RPS6KC1: variants seen among roughly 807,000 people sequenced by gnomAD.
RPS6KC1 encodes the protein inactive ribosomal protein S6 kinase delta-1.
Under a neutral mutation model 103.8 loss-of-function variants are expected in RPS6KC1, and 54 were observed. The ratio of observed to expected loss-of-function variants is 0.52; its 90% CI spans 0.42 to 0.65. The LOEUF (loss-of-function observed/expected upper bound fraction) is 0.65. Ranked by LOEUF, RPS6KC1 falls within the 30% of genes least tolerant of loss-of-function variation. The pLI, the probability that RPS6KC1 is intolerant of heterozygous loss-of-function variation, is 0.00. For synonymous variants in RPS6KC1, 439 were observed against 438.7 expected (o/e 1.00, Z -0.01); for missense variants, 1,151 against 1,253.8 (o/e 0.92, Z 1.24).
intron 8 of RPS6KC1, among the ~76,000 whole-genome samples, chr1:213,204,084 A>G (rs1051187883): frequency 3.3e-5 from 5 of 152,190 alleles, no homozygotes; most frequent in Non-Finnish European, 5.9e-5. Flanking sequence ...ATTCTTCAGC[A>G]TAGTACTTCT....
intron 1 of RPS6KC1, among the ~76,000 whole-genome samples, chr1:213,055,768 G>T (rs1171389679): frequency 6.6e-6 from 1 of 152,182 alleles, no homozygotes; most frequent in African/African-American, 2.4e-5. Context: ...GAATGTAGAT[G>T]AATTTCAGAA....
intron 3 of RPS6KC1, among the ~76,000 whole-genome samples, chr1:213,099,105 T>C (rs2081769156): frequency 6.6e-6 from 1 of 152,220 alleles, no homozygotes; most frequent in Non-Finnish European, 1.5e-5. Flanking sequence ...TGTTGAAGGA[T>C]ACACAAGTAG....
intron 3 of RPS6KC1, among the ~76,000 whole-genome samples, chr1:213,099,616 G>A (rs558394371): frequency 4.1e-4 from 62 of 152,166 alleles, no homozygotes; most frequent in Non-Finnish European, 7.6e-4. Context: ...AAGATATAGG[G>A]CATTACCAAC....
At chr1:213,396,327 C>T in the RPS6KC1 span, among the ~76,000 whole-genome samples, 3 of 152,126 alleles carry the variant, frequency 2.0e-5, no homozygotes, top group Non-Finnish European at 2.9e-5. Context: ...GTGAGGGCTC[C>T]GTGAAGGGTG....
At chr1:213,731,922 T>G in the RPS6KC1 span, among the ~76,000 whole-genome samples, 167 of 152,058 alleles carry the variant, frequency 1.1e-3, no homozygotes, top group South Asian at 1.7e-3. Flanking sequence ...ATGTTTATGA[T>G]GTACTATGAG....
chr1:213,783,507 A>T, the RPS6KC1 span, among the ~76,000 whole-genome samples: 2 of 152,042 alleles, frequency 1.3e-5, no homozygotes, highest in African/African-American at 4.8e-5. Flanking sequence ...GCTTTCATGG[A>T]GCTCCTTCCT....
At chr1:213,644,398 A>G in the RPS6KC1 span, among the ~76,000 whole-genome samples, 1 of 152,080 alleles carries the variant, frequency 6.6e-6, no homozygotes, top group Non-Finnish European at 1.5e-5. Flanking sequence ...CATAGTTTAC[A>G]TTAGGGTTCC....
the RPS6KC1 span, among the ~76,000 whole-genome samples, chr1:213,371,107 C>T: frequency 3.3e-5 from 5 of 152,092 alleles, no homozygotes; most frequent in African/African-American, 4.8e-5. Flanking sequence ...ACAACTCCCC[C>T]TTGCTCCTTA....
chr1:213,057,494 C>T (rs192970608), intron 1 of RPS6KC1, among the ~76,000 whole-genome samples: 63 of 152,272 alleles, frequency 4.1e-4, no homozygotes, highest in Non-Finnish European at 2.9e-5. Context: ...CTTCCCCCTA[C>T]TCCTTATACC....
intron 8 of RPS6KC1, among the ~76,000 whole-genome samples, chr1:213,185,621 C>T (rs1364395923): frequency 1.3e-5 from 2 of 151,932 alleles, no homozygotes; most frequent in African/African-American, 2.4e-5. Context: ...GCACTCCATC[C>T]AGCCTGGGTG....
chr1:213,344,561 T>C, the RPS6KC1 span, among the ~76,000 whole-genome samples: 3 of 151,742 alleles, frequency 2.0e-5, no homozygotes, highest in Non-Finnish European at 4.4e-5. Flanking sequence ...TGAGACAGAG[T>C]CTCATTCTGT....
chr1:213,067,010 C>T (rs112405624), intron 1 of RPS6KC1, among the ~76,000 whole-genome samples: 1,588 of 152,230 alleles, frequency 0.01, 29 homozygotes, highest in African/African-American at 0.036. Flanking sequence ...TTTGGAGAAG[C>T]GAATCAGAAA....
At chr1:213,306,291 A>G in the RPS6KC1 span, among the ~76,000 whole-genome samples, 1 of 152,224 alleles carries the variant, frequency 6.6e-6, no homozygotes. Context: ...ATGTCCAGGA[A>G]GGAAAGAAGC....
chr1:213,824,495 A>G, the RPS6KC1 span, among the ~76,000 whole-genome samples: 3 of 152,174 alleles, frequency 2.0e-5, no homozygotes, highest in African/African-American at 7.2e-5. Context: ...TGCTAAGGAC[A>G]AGGAACCCTC....
chr1:213,133,453 A>G (rs958805718), intron 6 of RPS6KC1, among the ~76,000 whole-genome samples: 3 of 152,186 alleles, frequency 2.0e-5, no homozygotes, highest in African/African-American at 7.2e-5. Flanking sequence ...AAGTTGAACT[A>G]TGACTGGCCA....
chr1:213,328,541 T>TATATATATATATAA, the RPS6KC1 span, among the ~76,000 whole-genome samples: 3 of 129,028 alleles, frequency 2.3e-5, no homozygotes, highest in Non-Finnish European at 5.0e-5. Context: ...TATATATATA[T>TATATATATATATAA]CACACACACA....
chr1:213,411,189 C>T, the RPS6KC1 span, among the ~76,000 whole-genome samples: 3 of 152,142 alleles, frequency 2.0e-5, no homozygotes, highest in African/African-American at 4.8e-5. Context: ...TACGGAAGGC[C>T]TTCTTAATAT....
At chr1:213,790,407 G>A in the RPS6KC1 span, among the ~76,000 whole-genome samples, 1 of 152,094 alleles carries the variant, frequency 6.6e-6, no homozygotes, top group Non-Finnish European at 1.5e-5. Flanking sequence ...AGAGTTAGAG[G>A]CACAATGGAG....
the RPS6KC1 span, among the ~76,000 whole-genome samples, chr1:213,373,898 G>A: frequency 3.3e-5 from 5 of 152,122 alleles, no homozygotes; most frequent in African/African-American, 1.2e-4. Flanking sequence ...TATCGCCACC[G>A]AAACCAGAAG....
Sources: allele counts gnomAD v4.1 joint callset (sites outside exome capture counted in the v4.1 genomes callset), GRCh38; gene constraint gnomAD v4.1.1; transcripts MANE v1.5; gene names NCBI Gene and HGNC (gene_info 2026-07-23, HGNC 2026-07-21).